LIPK: variants seen among roughly 807,000 people sequenced by gnomAD.
LIPK encodes the protein lipase member K.
Under a neutral mutation model 48.6 loss-of-function variants are expected in LIPK, and 32 were observed. That is an observed-to-expected ratio of 0.66 (90% CI 0.50 to 0.88). LIPK has a LOEUF of 0.88. Among genes scored for constraint, LIPK ranks in the 40% least tolerant of loss-of-function variants. The probability of loss-of-function intolerance (pLI) is 0.00; values close to 1 mark genes in which losing one functional copy is unlikely to be tolerated. For synonymous variants in LIPK, 164 were observed against 157.4 expected, an observed-to-expected ratio of 1.04 and a Z score of -0.32; for missense variants, 507 against 478.5, an observed-to-expected ratio of 1.06 and a Z score of -0.56.
rs1481937541 is a variant in LIPK, at chr10:88,726,919, T to C, written c.223+7T>C. ...GGATGCCCAGGGAGGACAGGTATTATTTATTTTGTTATGAAAGGAAAAATA... is the reference window on the plus strand; with the variant it reads ...GGATGCCCAGGGAGGACAGGTATTACTTATTTTGTTATGAAAGGAAAAATA... On this transcript the variant is annotated splice_region_variant and intron_variant, in intron 3 of 9. Coordinates refer to ENST00000404190, the MANE Select transcript of LIPK (RefSeq NM_001080518.2). The C allele has an allele frequency of 6.7e-6, 10 of 1,483,004 alleles. No individual in the cohort carries two copies. The Admixed American group carries it at 1.8e-4, about 27-fold the overall frequency. The allele number at this position is 1,483,004 out of a possible 1,614,324, so 91.9% of individuals were successfully genotyped here.
At position 88,731,014 on chromosome 10, in the gene LIPK, C is replaced by T; in HGVS notation, c.255C>T (p.Gly85=). The T allele has an allele frequency of 6.3e-7, 1 of 1,593,828 alleles. No individual in the cohort carries two copies. The highest frequency in any genetic ancestry group is 1.1e-5 in the South Asian group (1 of 87,398). Residue 85 remains glycine (G), a synonymous_variant, in exon 4 of 10, where the codon GGC becomes GGT. Coordinates refer to ENST00000404190, the MANE Select transcript of LIPK (RefSeq NM_001080518.2). ...AGCCTGCTGTGTATTTGCAGCATGG[C>T]TTAATTGCATCTGCCAGTAACTGGA... The part of the protein sequence containing the change: ...APKPAVYLQH[G]LIASASNWIC...
intron 3 of LIPK, 94 bp from the exon 4 acceptor site, chr10:88,730,889 C>A: frequency 8.5e-7 from 1 of 1,181,450 alleles, no homozygotes; most frequent in East Asian, 2.6e-5. Flanking sequence ...ATCTCTTAAC[C>A]TTTCTTTTAT....
chr10:88,718,267 C>T (rs1453099443), intron 1 of LIPK, among the ~76,000 whole-genome samples: 2 of 148,896 alleles, frequency 1.3e-5, no homozygotes, highest in Non-Finnish European at 3.0e-5. Context: ...TATATATATA[C>T]ATACATATTA....
At chr10:88,734,676 T>C (rs447651) in intron 6 of LIPK, among the ~76,000 whole-genome samples, 32,985 of 151,820 alleles carry the variant, frequency 0.22, 3,724 homozygotes, top group East Asian at 0.36. Flanking sequence ...AACACATCAG[T>C]TGATAGATGT....
intron 9 of LIPK, among the ~76,000 whole-genome samples, chr10:88,748,930 T>C (rs1200511181): frequency 6.6e-6 from 1 of 152,128 alleles, no homozygotes; most frequent in Non-Finnish European, 1.5e-5. Flanking sequence ...CACTGATAAA[T>C]AACTTCAGTA....
intron 3 of LIPK, chr10:88,728,550 C>A (rs1842394486): frequency 2.5e-6 from 1 of 400,198 alleles, no homozygotes; most frequent in Non-Finnish European, 4.9e-6. Context: ...CGCCCTATAG[C>A]GGACCAAACA....
chr10:88,718,508 C>T (rs1842161740), intron 1 of LIPK, among the ~76,000 whole-genome samples: 1 of 151,664 alleles, frequency 6.6e-6, no homozygotes, highest in Non-Finnish European at 1.5e-5. Context: ...ACCAGGTAAC[C>T]TGCATATACA....
chr10:88,732,264 G>C lies in LIPK; in HGVS notation c.509G>C (p.Gly170Ala). Residue 170 changes from glycine to alanine, a missense_variant, in exon 5 of 10, where the codon GGC becomes GCC. Transcript: ENST00000404190. Reference protein sequence around the residue: ...KTGQKRLYYVGHSQGTTIAFI... With the variant: ...KTGQKRLYYVAHSQGTTIAFI... ...GGACAGAAGCGACTCTACTACGTGG[G>C]CCACTCACAAGGCACCACCATAGGT... 6.2e-7 allele frequency: 1 copy of C among 1,613,792 alleles called. No homozygotes were observed. The highest frequency in any genetic ancestry group is 1.1e-5 in the South Asian group (1 of 91,014).
At chr10:88,725,404 A>C (rs1842317495) in intron 2 of LIPK, among the ~76,000 whole-genome samples, 1 of 152,218 alleles carries the variant, frequency 6.6e-6, no homozygotes, top group African/African-American at 2.4e-5. Context: ...ATCATCTATA[A>C]AGCATTTATG....
chr10:88,731,213 G>A (rs1183824265), intron 4 of LIPK, 32 bp downstream of exon 4: 2 of 1,454,010 alleles, frequency 1.4e-6, no homozygotes, highest in Non-Finnish European at 1.8e-6. Flanking sequence ...AATAAAATGT[G>A]TACTTTCCTC....
At chr10:88,734,039 G>A (rs766859533) in intron 6 of LIPK, among the ~76,000 whole-genome samples, 1 of 152,210 alleles carries the variant, frequency 6.6e-6, no homozygotes, top group South Asian at 2.1e-4. Flanking sequence ...TAGAAAAGTG[G>A]CTTGATCAAA....
intron 3 of LIPK, chr10:88,728,569 C>T (rs1033379786): frequency 6.7e-6 from 3 of 446,132 alleles, no homozygotes; most frequent in Admixed American, 4.5e-5. Context: ...CAGGAGAGGG[C>T]GCCGTAGCTT....
intron 8 of LIPK, among the ~76,000 whole-genome samples, chr10:88,741,695 G>C (rs1157916696): frequency 6.6e-6 from 1 of 152,154 alleles, no homozygotes; most frequent in Admixed American, 6.5e-5. Context: ...GATGATGGGA[G>C]TAATACTAGT....
intron 1 of LIPK, among the ~76,000 whole-genome samples, chr10:88,712,811 A>G (rs1590128885): frequency 6.6e-6 from 1 of 152,200 alleles, no homozygotes; most frequent in East Asian, 1.9e-4. Context: ...GGAAGAAGAG[A>G]GAGAAAGAGA....
chr10:88,706,648 T>C (rs1004937224), intron 1 of LIPK, among the ~76,000 whole-genome samples: 1 of 152,188 alleles, frequency 6.6e-6, no homozygotes, highest in East Asian at 1.9e-4. Flanking sequence ...TTTTGAGTCT[T>C]GCATCTAGGG....
At chr10:88,722,882 C>CTTTTTTTTTTTT (rs1262882913) in intron 1 of LIPK, among the ~76,000 whole-genome samples, 1 of 46,028 alleles carries the variant, frequency 2.2e-5, no homozygotes, top group Non-Finnish European at 3.3e-5. Flanking sequence ...TTCTTCTTTT[C>CTTTTTTTTTTTT]TTTTTTCTTT....
chr10:88,740,750 A>G (rs779978814), intron 8 of LIPK, among the ~76,000 whole-genome samples: 1 of 152,198 alleles, frequency 6.6e-6, no homozygotes. Flanking sequence ...AACAAAATAT[A>G]CATAATTCTA....
rs553218743 is a variant in LIPK, at chr10:88,714,997, A to C, written c.-12+8677A>C. Among the ~76,000 whole-genome samples, 6 of 152,212 alleles carry C rather than the reference A, an allele frequency of 3.9e-5. No homozygotes were observed. The East Asian group carries it at 1.2e-3, about 29-fold the overall frequency. ...TTCTAACACTGGCAGTTAAATCACTAAATTTATTTCTAAGCAGTACTTTGG... is the reference window on the plus strand; with the variant it reads ...TTCTAACACTGGCAGTTAAATCACTCAATTTATTTCTAAGCAGTACTTTGG... On this transcript the variant is annotated intron_variant, in intron 1 of 9. Transcript: ENST00000404190.
At chr10:88,730,456 T>G (rs1375173629) in intron 3 of LIPK, among the ~76,000 whole-genome samples, 2 of 151,896 alleles carry the variant, frequency 1.3e-5, no homozygotes, top group Non-Finnish European at 2.9e-5. Context: ...GCCCGGCTAG[T>G]TTTTTTGTAT....
Sources: allele counts gnomAD v4.1 joint callset (sites outside exome capture counted in the v4.1 genomes callset), GRCh38; gene constraint gnomAD v4.1.1; transcripts MANE v1.5; gene names NCBI Gene and HGNC (gene_info 2026-07-23, HGNC 2026-07-21).